SH3GL2: variants seen among roughly 807,000 people sequenced by gnomAD.
SH3GL2 encodes SH3 domain containing GRB2 like 2, endophilin A1, also known as endophilin-A1.
SH3GL2 carries 24 observed loss-of-function variants against 46.0 expected under a neutral mutation model. The ratio of observed to expected loss-of-function variants is 0.52; its 90% CI spans 0.38 to 0.73. The LOEUF is 0.73. SH3GL2 is among the 30% of genes least tolerant of loss of function. The probability of loss-of-function intolerance (pLI) is 0.00; values close to 1 mark genes in which losing one functional copy is unlikely to be tolerated. For missense variants in SH3GL2, 413 were observed against 424.2 expected (o/e 0.97, Z 0.23); for synonymous variants, 196 against 147.1 (o/e 1.33, Z -2.40).
At chr9:17,602,521 A>G (rs888587761) in intron 1 of SH3GL2, among the ~76,000 whole-genome samples, 1 of 152,180 alleles carries the variant, frequency 6.6e-6, no homozygotes, top group Non-Finnish European at 1.5e-5. Context: ...TGGCAGGTCT[A>G]ATGGCTGTCA....
At chr9:17,599,095 C>A (rs1272495329) in intron 1 of SH3GL2, among the ~76,000 whole-genome samples, 3 of 152,132 alleles carry the variant, frequency 2.0e-5, no homozygotes, top group African/African-American at 7.2e-5. Flanking sequence ...GGACAATTAG[C>A]TATTCGTTTG....
chr9:17,680,959 C>T (rs1235280799), intron 1 of SH3GL2, among the ~76,000 whole-genome samples: 1 of 152,082 alleles, frequency 6.6e-6, no homozygotes. Context: ...TTTCTTAATC[C>T]TGAGTTCTAG....
chr9:17,667,641 G>A (rs1202582603), intron 1 of SH3GL2, among the ~76,000 whole-genome samples: 2 of 152,172 alleles, frequency 1.3e-5, no homozygotes, highest in South Asian at 2.1e-4. Flanking sequence ...ACGTTTTTGT[G>A]GGACAAAATT....
intron 1 of SH3GL2, among the ~76,000 whole-genome samples, chr9:17,661,376 A>G (rs1820209482): frequency 6.6e-6 from 1 of 152,166 alleles, no homozygotes. Flanking sequence ...TCTTGATAGC[A>G]TGGAGCAGTG....
chr9:17,795,499 C>G (rs778943199), intron 8 of SH3GL2, 45 bp from the exon 9 acceptor site: 4 of 1,523,890 alleles, frequency 2.6e-6, no homozygotes, highest in Non-Finnish European at 3.6e-6. Flanking sequence ...TTAAATACCC[C>G]TTATCCTTTT....
At chr9:17,588,728 A>G (rs1818424401) in intron 1 of SH3GL2, among the ~76,000 whole-genome samples, 1 of 152,236 alleles carries the variant, frequency 6.6e-6, no homozygotes, top group Admixed American at 6.5e-5. Flanking sequence ...GGCCCTCAAC[A>G]GGGAGCTCAC....
At chr9:17,615,097 A>T (rs1255006414) in intron 1 of SH3GL2, among the ~76,000 whole-genome samples, 1 of 151,742 alleles carries the variant, frequency 6.6e-6, no homozygotes, top group East Asian at 2.0e-4. Flanking sequence ...TGTGCTGCCT[A>T]CTCCCAGGTG....
intron 7 of SH3GL2, 91 bp downstream of exon 7, chr9:17,791,425 C>T: frequency 1.1e-6 from 1 of 937,794 alleles, no homozygotes; most frequent in Non-Finnish European, 1.7e-6. Flanking sequence ...CATTTGGAGA[C>T]AAACGTCTGC....
At position 17,760,127 on chromosome 9, in the gene SH3GL2, C is replaced by A. The variant is rs1339507738; in HGVS notation, c.115-1310C>A. Among the ~76,000 whole-genome samples the A allele has an allele frequency of 5.3e-5, 8 of 152,246 alleles. No individual in the cohort carries two copies. The South Asian group carries it at 1.7e-3, about 32-fold the overall frequency. On this transcript the variant is annotated intron_variant, in intron 2 of 8. Coordinates refer to ENST00000380607, the MANE Select transcript of SH3GL2 (RefSeq NM_003026.5). ...AATCACTACCTGGTACACACTCAAT[C>A]TTAAAGATCTTTGAAATTTGAATCA...
At chr9:17,760,429 A>G (rs926213083) in intron 2 of SH3GL2, among the ~76,000 whole-genome samples, 4 of 151,832 alleles carry the variant, frequency 2.6e-5, no homozygotes, top group African/African-American at 9.7e-5. Flanking sequence ...ATACCGGTAT[A>G]TATTATATAC....
intron 1 of SH3GL2, among the ~76,000 whole-genome samples, chr9:17,685,401 T>C (rs935205816): frequency 1.3e-5 from 2 of 152,100 alleles, no homozygotes; most frequent in African/African-American, 4.8e-5. Flanking sequence ...TTAAAGTTGC[T>C]GAATGTAGAT....
At chr9:17,603,923 C>T (rs1818715243) in intron 1 of SH3GL2, among the ~76,000 whole-genome samples, 1 of 152,120 alleles carries the variant, frequency 6.6e-6, no homozygotes, top group South Asian at 2.1e-4. Context: ...ATTATATATA[C>T]ACTTACAAGT....
At chr9:17,637,921 C>T (rs557151956) in intron 1 of SH3GL2, among the ~76,000 whole-genome samples, 2 of 152,260 alleles carry the variant, frequency 1.3e-5, no homozygotes, top group South Asian at 4.2e-4. Context: ...CTTTGGGAGG[C>T]CGAGGCGGGC....
chr9:17,592,562 TAAAAC>T (rs1818503840), intron 1 of SH3GL2, among the ~76,000 whole-genome samples: 1 of 152,234 alleles, frequency 6.6e-6, no homozygotes, highest in African/African-American at 2.4e-5. Flanking sequence ...CTGCCTTTGT[TAAAAC>T]AGGAGATTAA....
intron 1 of SH3GL2, among the ~76,000 whole-genome samples, chr9:17,670,411 A>G (rs1367917142): frequency 6.6e-6 from 1 of 152,210 alleles, no homozygotes; most frequent in Non-Finnish European, 1.5e-5. Context: ...CTCCTGTATC[A>G]TGATAATGGC....
At chr9:17,725,838 C>T (rs554126422) in intron 1 of SH3GL2, among the ~76,000 whole-genome samples, 9 of 152,244 alleles carry the variant, frequency 5.9e-5, no homozygotes, top group Non-Finnish European at 1.3e-4. Context: ...GAATAGGCAG[C>T]GAGAGGCACT....
intron 1 of SH3GL2, among the ~76,000 whole-genome samples, chr9:17,645,151 C>CTTTT (rs57611978): frequency 1.7e-4 from 12 of 68,774 alleles, no homozygotes; most frequent in African/African-American, 4.6e-4. Flanking sequence ...GCAAACGCTG[C>CTTTT]TTTTTTTTTT....
chr9:17,678,090 T>G (rs1486193926), intron 1 of SH3GL2, among the ~76,000 whole-genome samples: 1 of 152,030 alleles, frequency 6.6e-6, no homozygotes, highest in African/African-American at 2.4e-5. Context: ...AGTAAACATA[T>G]GTGTATGTGT....
intron 1 of SH3GL2, among the ~76,000 whole-genome samples, chr9:17,696,042 AC>A (rs1821194692): frequency 6.6e-6 from 1 of 152,124 alleles, no homozygotes; most frequent in South Asian, 2.1e-4. Context: ...GCAAGCTGAT[AC>A]AAATCACAAC....
Sources: gnomAD v4.1 joint callset for allele counts (sites outside exome capture counted in the v4.1 genomes callset) on GRCh38, gnomAD v4.1.1 for gene constraint, MANE v1.5 for transcripts, NCBI Gene and HGNC (gene_info 2026-07-23, HGNC 2026-07-21) for gene names.